Variants in CACNA2D3 observed in about 807,000 individuals in gnomAD.
CACNA2D3 encodes the protein calcium voltage-gated channel auxiliary subunit alpha2delta 3.
A neutral mutation model predicts 160.6 loss-of-function variants in CACNA2D3; 60 were observed. That is an observed-to-expected ratio of 0.37 (90% CI 0.30 to 0.46). The LOEUF (loss-of-function observed/expected upper bound fraction) is 0.46. CACNA2D3 is among the 20% of genes least tolerant of loss of function. CACNA2D3 has a pLI of 1.00. For missense variants in CACNA2D3, 1,205 were observed against 1,365.0 expected (o/e 0.88, Z 1.85); for synonymous variants, 558 against 492.9 (o/e 1.13, Z -1.75).
At chr3:54,837,093 G>C (rs773053497) in intron 14 of CACNA2D3, 66 bp from the exon 15 acceptor site, 4 of 1,354,476 alleles carry the variant, frequency 3.0e-6, no homozygotes, top group Non-Finnish European at 3.2e-6. Context: ...GATTGTCAAG[G>C]GGGTGGCCTC....
At chr3:54,786,378 A>G (rs1405434335) in intron 13 of CACNA2D3, among the ~76,000 whole-genome samples, 1 of 152,196 alleles carries the variant, frequency 6.6e-6, no homozygotes, top group Non-Finnish European at 1.5e-5. Flanking sequence ...TACTCTTGTT[A>G]TAGTTGAATC....
chr3:54,807,144 G>T (rs941062220), intron 13 of CACNA2D3, among the ~76,000 whole-genome samples: 44 of 152,258 alleles, frequency 2.9e-4, no homozygotes, highest in Admixed American at 1.2e-3. Context: ...ATAGGCATGG[G>T]CAAGGACTTC....
intron 13 of CACNA2D3, among the ~76,000 whole-genome samples, chr3:54,801,510 G>A (rs527627528): frequency 8.5e-5 from 13 of 152,250 alleles, no homozygotes; most frequent in Admixed American, 3.3e-4. Flanking sequence ...ATTCATGTTA[G>A]TGACAGCCTA....
At chr3:54,585,001 C>T (rs1702735418) in intron 9 of CACNA2D3, among the ~76,000 whole-genome samples, 1 of 152,036 alleles carries the variant, frequency 6.6e-6, no homozygotes, top group Admixed American at 6.6e-5. Flanking sequence ...TCTAAACCTA[C>T]CCTTAAATAA....
intron 27 of CACNA2D3, among the ~76,000 whole-genome samples, chr3:54,947,768 G>A (rs138133469): frequency 3.3e-4 from 51 of 152,274 alleles, no homozygotes; most frequent in Middle Eastern, 3.4e-3. Context: ...TTGGATGCTA[G>A]CCCTAAGGCA....
intron 35 of CACNA2D3, among the ~76,000 whole-genome samples, chr3:55,070,225 C>T (rs1704770716): frequency 6.6e-6 from 1 of 152,162 alleles, no homozygotes; most frequent in South Asian, 2.1e-4. Context: ...GTGGTGAAGT[C>T]ATTGGTGTCC....
intron 4 of CACNA2D3, among the ~76,000 whole-genome samples, chr3:54,465,108 C>G (rs1445209537): frequency 3.3e-5 from 5 of 151,300 alleles, no homozygotes; most frequent in Admixed American, 3.3e-4. Context: ...CACATTCAGA[C>G]ATTGTTTTTC....
chr3:55,052,027 C>A (rs1704232992), intron 35 of CACNA2D3, among the ~76,000 whole-genome samples: 1 of 152,184 alleles, frequency 6.6e-6, no homozygotes, highest in South Asian at 2.1e-4. Flanking sequence ...TGAGATGAAC[C>A]CGGTACCTCA....
intron 12 of CACNA2D3, among the ~76,000 whole-genome samples, chr3:54,753,164 A>T (rs967462017): frequency 6.6e-6 from 1 of 152,136 alleles, no homozygotes; most frequent in Non-Finnish European, 1.5e-5. Flanking sequence ...CCCAGTGCCA[A>T]ATTTTGAGGA....
In CACNA2D3 at chr3:54,408,022, C is replaced by T. The variant is rs150968422; in HGVS notation, c.381+21248C>T. 2.5e-3 allele frequency among the ~76,000 whole-genome samples: 373 copies of T among 152,204 alleles called. 4 individuals are homozygous for T. Among genetic ancestry groups the T allele is most frequent in the African/African-American group, 8.2e-3 (340 of 41,532 alleles). The stretch of plus-strand genomic sequence containing the variant: ...ATCAGGCACTGTACTGTGAATATGG[C>T]CCTGAGCTGGACAGAGAGATGCTGT... On this transcript the variant is annotated intron_variant, in intron 4 of 37. Coordinates refer to ENST00000474759, the MANE Select transcript of CACNA2D3 (RefSeq NM_018398.3).
chr3:54,977,882 C>G (rs990291545), intron 29 of CACNA2D3, among the ~76,000 whole-genome samples: 1 of 152,124 alleles, frequency 6.6e-6, no homozygotes, highest in Non-Finnish European at 1.5e-5. Flanking sequence ...GTTCCATAGG[C>G]AGAGCAGCCT....
intron 35 of CACNA2D3, among the ~76,000 whole-genome samples, chr3:55,032,462 G>C (rs1053141972): frequency 2.0e-5 from 3 of 152,086 alleles, no homozygotes; most frequent in African/African-American, 7.2e-5. Flanking sequence ...TGTACCCAGG[G>C]GTTCTCTCAC....
intron 4 of CACNA2D3, among the ~76,000 whole-genome samples, chr3:54,497,024 G>T (rs1193926505): frequency 6.6e-6 from 1 of 152,032 alleles, no homozygotes; most frequent in African/African-American, 2.4e-5. Flanking sequence ...TTAGAGGAAG[G>T]CCCAAAATCA....
At chr3:54,891,840 T>C (rs546241233) in intron 25 of CACNA2D3, among the ~76,000 whole-genome samples, 133 of 152,340 alleles carry the variant, frequency 8.7e-4, no homozygotes, top group Non-Finnish European at 1.2e-3. Flanking sequence ...AATTCCTGCC[T>C]GTACAAAAGT....
intron 9 of CACNA2D3, among the ~76,000 whole-genome samples, chr3:54,587,505 T>C (rs544729769): frequency 6.6e-6 from 1 of 151,990 alleles, no homozygotes; most frequent in Non-Finnish European, 1.5e-5. Context: ...TGCAGTAAGC[T>C]GAGATGGTGC....
chr3:54,769,961 G>A (rs978392725), intron 13 of CACNA2D3, among the ~76,000 whole-genome samples: 12 of 152,110 alleles, frequency 7.9e-5, no homozygotes, highest in African/African-American at 2.4e-4. Context: ...GGATTGTGCC[G>A]CACTAGCCAG....
chr3:54,386,182 T>C (rs954814880), intron 3 of CACNA2D3, among the ~76,000 whole-genome samples: 1 of 152,222 alleles, frequency 6.6e-6, no homozygotes, highest in African/African-American at 2.4e-5. Flanking sequence ...ATTGTCACAG[T>C]GGCATTGATG....
intron 12 of CACNA2D3, among the ~76,000 whole-genome samples, chr3:54,757,114 C>T (rs1169349649): frequency 6.6e-6 from 1 of 152,170 alleles, no homozygotes; most frequent in Non-Finnish European, 1.5e-5. Flanking sequence ...TTCACAAAGC[C>T]ATGGTGACCT....
chr3:54,275,614 A>G (rs1043267746), intron 2 of CACNA2D3, among the ~76,000 whole-genome samples: 2 of 151,962 alleles, frequency 1.3e-5, no homozygotes, highest in Admixed American at 6.6e-5. Context: ...GTGATAGGAA[A>G]GTATCTGATT....
Sources: gnomAD v4.1 joint callset for allele counts (sites outside exome capture counted in the v4.1 genomes callset) on GRCh38, gnomAD v4.1.1 for gene constraint, MANE v1.5 for transcripts, NCBI Gene and HGNC (gene_info 2026-07-23, HGNC 2026-07-21) for gene names.